The following HGD variants were observed in gnomAD, a reference collection of about 807,000 sequenced individuals.
HGD encodes the protein homogentisate oxidase.
A neutral mutation model predicts 60.8 loss-of-function variants in HGD; 61 were observed. That is an observed-to-expected ratio of 1.00 (90% confidence interval 0.82 to 1.24). The LOEUF (loss-of-function observed/expected upper bound fraction) is 1.24, where lower values mean the gene tolerates loss of function less well. HGD is among the 50% of genes most tolerant of loss of function. The pLI, the probability that HGD is intolerant of heterozygous loss-of-function variation, is 0.00. For missense variants in HGD, 542 were observed against 547.1 expected, an observed-to-expected ratio of 0.99 and a Z score of 0.09; for synonymous variants, 212 against 187.7, an observed-to-expected ratio of 1.13 and a Z score of -1.06.
intron 1 of HGD, among the ~76,000 whole-genome samples, chr3:120,676,235 C>G (rs1340742927): frequency 6.6e-6 from 1 of 152,218 alleles, no homozygotes; most frequent in Non-Finnish European, 1.5e-5. Flanking sequence ...CCAACCCTGA[C>G]AGCAAAACCC....
At chr3:120,659,826 T>A (rs1180027254) in intron 4 of HGD, among the ~76,000 whole-genome samples, 1 of 152,128 alleles carries the variant, frequency 6.6e-6, no homozygotes, top group African/African-American at 2.4e-5. Context: ...TTCTGCAGGC[T>A]GCACAGGAAA....
chr3:120,638,634 C>T (rs1940862954), intron 11 of HGD, 53 bp from the exon 12 acceptor site: 1 of 1,605,126 alleles, frequency 6.2e-7, no homozygotes. Flanking sequence ...AGTGACTGGA[C>T]AATGACACAC....
At position 120,641,661 on chromosome 3, in the gene HGD, G is replaced by T. The variant is rs758567130; in HGVS notation, c.807C>A (p.His269Gln). The T allele has an allele frequency of 7.4e-6, 12 of 1,613,590 alleles. No individual in the cohort carries two copies. Among genetic ancestry groups the T allele is most frequent in the Non-Finnish European group, 1.0e-5 (12 of 1,179,678 alleles). ...TGTACTTGTAGGGTGTATAATTCCC[G>T]TGCCAGGCCACAACATTGAACGGGG... ...DVSPFNVVAW[H>Q]GNYTPYKYNL... Residue 269 changes from histidine to glutamine, a missense_variant, in exon 11 of 14, where the codon CAC becomes CAA. Physicochemically the swap from His to Gln is conservative, Grantham distance 24. Coordinates refer to ENST00000283871, the MANE Select transcript of HGD (RefSeq NM_000187.4).
At chr3:120,648,300 G>A (rs1156238297) in intron 6 of HGD, among the ~76,000 whole-genome samples, 1 of 152,238 alleles carries the variant, frequency 6.6e-6, no homozygotes, top group Non-Finnish European at 1.5e-5. Flanking sequence ...AGAAGGAACA[G>A]CAAGTGCAAG....
In HGD at chr3:120,628,269, A is replaced by G. The variant is rs1940481503; in HGVS notation, c.*111T>C. 8.0e-7 allele frequency: 1 copy of G among 1,250,516 alleles called. No individual in the cohort carries two copies. The highest frequency in any genetic ancestry group is 1.2e-5 in the South Asian group (1 of 82,158). 77.5% of individuals were successfully genotyped at this position (1,250,516 alleles called of 1,614,324 possible). On this transcript the variant is annotated 3_prime_UTR_variant, in exon 14 of 14. Coordinates refer to ENST00000283871, the MANE Select transcript of HGD (RefSeq NM_000187.4). ...AAAGTTCTGAGTTACTTGACTATGA[A>G]AAGTGAATTTTCATTTTAACCAACC...
intron 4 of HGD, among the ~76,000 whole-genome samples, chr3:120,659,708 T>A (rs1011719592): frequency 1.3e-5 from 2 of 152,230 alleles, no homozygotes; most frequent in African/African-American, 4.8e-5. Flanking sequence ...TATAGCAATG[T>A]CCCACTCCTT....
chr3:120,674,686 C>T (rs1425489140), intron 3 of HGD: 6 of 521,562 alleles, frequency 1.2e-5, no homozygotes, highest in South Asian at 9.7e-5. Context: ...TGTATTTTCC[C>T]AGCTCTGTGC....
At chr3:120,656,042 T>C (rs879335996) in intron 4 of HGD, among the ~76,000 whole-genome samples, 12 of 152,192 alleles carry the variant, frequency 7.9e-5, no homozygotes, top group Non-Finnish European at 1.3e-4. Context: ...GTTTTAAAGT[T>C]AAAAGAGATC....
intron 3 of HGD, among the ~76,000 whole-genome samples, chr3:120,670,938 G>A (rs1453360416): frequency 6.6e-6 from 1 of 152,206 alleles, no homozygotes; most frequent in East Asian, 1.9e-4. Context: ...AGAACAATGA[G>A]TTCTACGCAG....
Position 120,632,998 on chromosome 3 carries a change from A to G in HGD, c.1188+149T>C, listed in dbSNP as rs1263302196. The G allele has an allele frequency of 1.1e-5, 8 of 709,176 alleles. 1 individual carries two copies. The highest frequency in any genetic ancestry group is 2.7e-5 in the East Asian group (1 of 37,050). 43.9% of individuals were successfully genotyped at this position (709,176 alleles called of 1,614,324 possible). On this transcript the variant is annotated intron_variant, in intron 13 of 13. Coordinates refer to ENST00000283871, the MANE Select transcript of HGD (RefSeq NM_000187.4). ...CTAGTATATACACAAGGATGTGAGT[A>G]TATATACATGTAAACATACTTATGC...
At chr3:120,637,273 T>C (rs1940813787) in intron 12 of HGD, among the ~76,000 whole-genome samples, 1 of 148,136 alleles carries the variant, frequency 6.8e-6, no homozygotes, top group Non-Finnish European at 1.5e-5. Context: ...CTTGAGAGAG[T>C]TACTTAATCC....
chr3:120,643,905 G>A (rs1941074633), intron 10 of HGD, among the ~76,000 whole-genome samples: 1 of 152,080 alleles, frequency 6.6e-6, no homozygotes. Context: ...TTTGAAATAG[G>A]GTGGTATTGG....
At chr3:120,680,692 T>G (rs1301173063) in intron 1 of HGD, among the ~76,000 whole-genome samples, 1 of 152,102 alleles carries the variant, frequency 6.6e-6, no homozygotes, top group Non-Finnish European at 1.5e-5. Flanking sequence ...TCCCCTGAAA[T>G]CCAGATCCAT....
intron 3 of HGD, among the ~76,000 whole-genome samples, chr3:120,673,602 C>T (rs962919095): frequency 6.6e-6 from 1 of 152,168 alleles, no homozygotes; most frequent in African/African-American, 2.4e-5. Flanking sequence ...TCTTCCCACG[C>T]ATATATCTAT....
At chr3:120,676,186 G>GA (rs970520553) in intron 1 of HGD, among the ~76,000 whole-genome samples, 3 of 151,568 alleles carry the variant, frequency 2.0e-5, no homozygotes, top group African/African-American at 7.3e-5. Flanking sequence ...CAAACTCTGG[G>GA]AAAAAAAAGA....
intron 10 of HGD, 193 bp from the exon 11 acceptor site, chr3:120,641,886 T>C (rs1940994783): frequency 1.7e-6 from 1 of 599,470 alleles, no homozygotes; most frequent in Non-Finnish European, 3.0e-6. Flanking sequence ...ACTTAGCCAC[T>C]AACCCTATTT....
At chr3:120,676,705 T>C (rs1708137761) in intron 1 of HGD, among the ~76,000 whole-genome samples, 1 of 152,244 alleles carries the variant, frequency 6.6e-6, no homozygotes, top group Non-Finnish European at 1.5e-5. Flanking sequence ...GTTAGAACCC[T>C]TTTTGCTCTA....
At chr3:120,657,744 A>G (rs1297998803) in intron 4 of HGD, among the ~76,000 whole-genome samples, 1 of 152,116 alleles carries the variant, frequency 6.6e-6, no homozygotes, top group East Asian at 1.9e-4. Context: ...GTTTCTGAGG[A>G]GGCGTCAAGA....
chr3:120,628,545 A>T lies in HGD; in HGVS notation c.1189-16T>A. 1 of 1,613,746 alleles carries T rather than the reference A, an allele frequency of 6.2e-7. No homozygotes were observed. Among genetic ancestry groups the T allele is most frequent in the Non-Finnish European group, 8.5e-7 (1 of 1,179,726 alleles). On this transcript the variant is annotated splice_polypyrimidine_tract_variant and intron_variant, in intron 13 of 13. Coordinates refer to ENST00000283871, the MANE Select transcript of HGD (RefSeq NM_000187.4). ...ACATAAATGCCTGGAGGAAGTGACG[A>T]TGGGGATGAGAAAAAAGAGGTGAGA...
Sources: gnomAD v4.1 joint callset for allele counts (sites outside exome capture counted in the v4.1 genomes callset) on GRCh38, gnomAD v4.1.1 for gene constraint, MANE v1.5 for transcripts, NCBI Gene and HGNC (gene_info 2026-07-23, HGNC 2026-07-21) for gene names.